The following TMEM178B variants were observed in gnomAD, a reference collection of about 807,000 sequenced individuals.
TMEM178B encodes transmembrane protein 178B.
TMEM178B carries 5 observed loss-of-function variants against 31.0 expected under a neutral mutation model. The observed-to-expected ratio is 0.16, with a 90% CI of 0.08 to 0.34. The LOEUF (loss-of-function observed/expected upper bound fraction) is 0.34, where lower values mean the gene tolerates loss of function less well. Ranked by LOEUF, TMEM178B falls within the 10% of genes least tolerant of loss-of-function variation. The pLI is 1.00. For synonymous variants in TMEM178B, 164 were observed against 164.0 expected, an observed-to-expected ratio of 1.00 and a Z score of 0.00; for missense variants, 275 against 400.3, an observed-to-expected ratio of 0.69 and a Z score of 2.67.
At chr7:141,338,663 A>T (rs1168146041) in intron 2 of TMEM178B, among the ~76,000 whole-genome samples, 1 of 152,120 alleles carries the variant, frequency 6.6e-6, no homozygotes, top group Admixed American at 6.5e-5. Flanking sequence ...CACTGTATGC[A>T]GTATGAATTT....
At chr7:141,249,169 A>G (rs1797788541) in intron 2 of TMEM178B, among the ~76,000 whole-genome samples, 1 of 152,176 alleles carries the variant, frequency 6.6e-6, no homozygotes, top group Non-Finnish European at 1.5e-5. Flanking sequence ...GTGTCATGGG[A>G]CAGACCCAGT....
At chr7:141,295,226 A>C (rs1798611305) in intron 2 of TMEM178B, among the ~76,000 whole-genome samples, 1 of 152,156 alleles carries the variant, frequency 6.6e-6, no homozygotes. Context: ...AAACCTGAAC[A>C]CTGGCTATGA....
intron 1 of TMEM178B, among the ~76,000 whole-genome samples, chr7:141,088,719 TG>T (rs1185009408): frequency 6.6e-6 from 1 of 152,238 alleles, no homozygotes; most frequent in African/African-American, 2.4e-5. Flanking sequence ...CTGCCATAAA[TG>T]TGTTCTTTTG....
chr7:141,294,851 C>T (rs895163164), intron 2 of TMEM178B, among the ~76,000 whole-genome samples: 11 of 152,216 alleles, frequency 7.2e-5, no homozygotes, highest in African/African-American at 2.7e-4. Flanking sequence ...GCCTTTTCCG[C>T]CTTTCAGCTG....
At chr7:141,368,646 C>T (rs374618982) in intron 2 of TMEM178B, among the ~76,000 whole-genome samples, 141 of 152,198 alleles carry the variant, frequency 9.3e-4, no homozygotes, top group African/African-American at 3.2e-3. Flanking sequence ...TGATTTTTCC[C>T]GATGGATCTG....
chr7:141,381,849 G>C (rs1800321912), intron 2 of TMEM178B, among the ~76,000 whole-genome samples: 1 of 152,130 alleles, frequency 6.6e-6, no homozygotes. Context: ...GTTTTGGCTA[G>C]AATGTTCCCC....
At chr7:141,176,164 T>C (rs997281582) in intron 1 of TMEM178B, among the ~76,000 whole-genome samples, 3 of 152,242 alleles carry the variant, frequency 2.0e-5, no homozygotes, top group African/African-American at 7.2e-5. Context: ...GTTTTTAGCA[T>C]GAAGGGCTGT....
intron 2 of TMEM178B, among the ~76,000 whole-genome samples, chr7:141,359,293 G>A (rs1413927730): frequency 1.3e-5 from 2 of 152,110 alleles, no homozygotes; most frequent in African/African-American, 2.4e-5. Context: ...CTCCCAGCAC[G>A]GTGTCCTCTT....
At chr7:141,270,318 C>T (rs1798161737) in intron 2 of TMEM178B, among the ~76,000 whole-genome samples, 1 of 152,052 alleles carries the variant, frequency 6.6e-6, no homozygotes, top group Admixed American at 6.6e-5. Context: ...CTCAGGTGAG[C>T]AGTCTACATC....
chr7:141,411,431 G>A (rs1014216692), intron 2 of TMEM178B, among the ~76,000 whole-genome samples: 1 of 152,062 alleles, frequency 6.6e-6, no homozygotes, highest in African/African-American at 2.4e-5. Context: ...TTTATGTTAT[G>A]TATAAACATA....
intron 2 of TMEM178B, among the ~76,000 whole-genome samples, chr7:141,278,820 T>TTCAC (rs1440137354): frequency 6.6e-6 from 1 of 151,986 alleles, no homozygotes; most frequent in Non-Finnish European, 1.5e-5. Context: ...GACTGAAGGG[T>TTCAC]GAAATTTAAG....
chr7:141,343,266 A>G (rs1449649610), intron 2 of TMEM178B, among the ~76,000 whole-genome samples: 1 of 152,168 alleles, frequency 6.6e-6, no homozygotes, highest in African/African-American at 2.4e-5. Context: ...ATTTATGCTG[A>G]AGCAGACAAA....
rs571541647 is a variant in TMEM178B, at chr7:141,403,137, C to A, written c.497-34471C>A. On this transcript the variant is annotated intron_variant, in intron 2 of 3. Coordinates refer to ENST00000565468, the MANE Select transcript of TMEM178B (RefSeq NM_001195278.2). Reference sequence around the variant, plus strand: ...AGGCTGTTAAGGCCAAAGCAAAACACCGTGACAAAGTTATCTCACCCCTGG... The same window carrying A: ...AGGCTGTTAAGGCCAAAGCAAAACAACGTGACAAAGTTATCTCACCCCTGG... 1.6e-3 allele frequency among the ~76,000 whole-genome samples: 242 copies of A among 152,310 alleles called. 1 individual carries two copies. The highest frequency in any genetic ancestry group is 5.2e-3 in the African/African-American group (217 of 41,560).
chr7:141,209,728 G>T (rs1797022320), intron 1 of TMEM178B, among the ~76,000 whole-genome samples: 1 of 152,118 alleles, frequency 6.6e-6, no homozygotes, highest in Admixed American at 6.5e-5. Flanking sequence ...TGCTGCTGGG[G>T]TGCAATCTAG....
chr7:141,184,135 T>C (rs1283125554), intron 1 of TMEM178B, among the ~76,000 whole-genome samples: 1 of 152,210 alleles, frequency 6.6e-6, no homozygotes, highest in Non-Finnish European at 1.5e-5. Flanking sequence ...AGAACAGCAA[T>C]TGGTTTTAAA....
chr7:141,328,337 A>G (rs1314008658), intron 2 of TMEM178B, among the ~76,000 whole-genome samples: 1 of 152,216 alleles, frequency 6.6e-6, no homozygotes, highest in Admixed American at 6.5e-5. Context: ...GAGACACAGT[A>G]TCTTCTGATA....
chr7:141,079,380 C>T (rs1794648581), intron 1 of TMEM178B, among the ~76,000 whole-genome samples: 2 of 152,188 alleles, frequency 1.3e-5, no homozygotes, highest in Non-Finnish European at 2.9e-5. Context: ...TTGTATGGGA[C>T]AGTGCAGATT....
rs185501364 is a variant in TMEM178B at position 141,373,857 on chromosome 7, A to T, written c.497-63751A>T. Among the ~76,000 whole-genome samples, 331 of 152,358 alleles carry T rather than the reference A, an allele frequency of 2.2e-3. 6 individuals are homozygous for T. Among genetic ancestry groups the T allele is most frequent in the Non-Finnish European group, 1.1e-3 (76 of 68,030 alleles). On this transcript the variant is annotated intron_variant, in intron 2 of 3. Transcript: ENST00000565468. Reference sequence around the variant, plus strand: ...ATTGAAAATATTTAAACCTCTGCTCAGGAGTCAAAATGTGAACCTAAATTT... The same window carrying T: ...ATTGAAAATATTTAAACCTCTGCTCTGGAGTCAAAATGTGAACCTAAATTT...
intron 3 of TMEM178B, among the ~76,000 whole-genome samples, chr7:141,465,443 G>A (rs1236683441): frequency 6.6e-6 from 1 of 152,226 alleles, no homozygotes; most frequent in Non-Finnish European, 1.5e-5. Flanking sequence ...CCAAACCACA[G>A]GCAGAGAGTT....
Sources: gnomAD v4.1 joint callset for allele counts (sites outside exome capture counted in the v4.1 genomes callset) on GRCh38, gnomAD v4.1.1 for gene constraint, MANE v1.5 for transcripts, NCBI Gene and HGNC (gene_info 2026-07-23, HGNC 2026-07-21) for gene names.